The following DLG2 variants were observed in gnomAD, a reference collection of about 807,000 sequenced individuals.
DLG2 encodes discs large MAGUK scaffold protein 2.
In DLG2, 45 loss-of-function variants were observed where a neutral mutation model predicts 132.5. That is an observed-to-expected ratio of 0.34 (90% CI 0.27 to 0.44). The LOEUF (loss-of-function observed/expected upper bound fraction) is 0.44, where lower values mean the gene tolerates loss of function less well. Ranked by LOEUF, DLG2 falls within the 20% of genes least tolerant of loss-of-function variation. The pLI is 1.00. For synonymous variants in DLG2, 424 were observed against 419.6 expected (o/e 1.01, Z -0.13); for missense variants, 1,045 against 1,196.9 (o/e 0.87, Z 1.87).
intron 14 of DLG2, among the ~76,000 whole-genome samples, chr11:83,940,711 G>A (rs565324784): frequency 1.3e-5 from 2 of 152,298 alleles, no homozygotes; most frequent in East Asian, 1.9e-4. Context: ...ATAGGACAGA[G>A]GAAACAAACT....
intron 7 of DLG2, among the ~76,000 whole-genome samples, chr11:84,410,560 A>G (rs967768764): frequency 6.6e-6 from 1 of 151,398 alleles, no homozygotes; most frequent in African/African-American, 2.4e-5. Context: ...ATCATTTTTT[A>G]AAAACCACAT....
intron 18 of DLG2, among the ~76,000 whole-genome samples, chr11:83,716,294 G>C (rs2086687606): frequency 6.6e-6 from 1 of 152,166 alleles, no homozygotes; most frequent in South Asian, 2.1e-4. Flanking sequence ...CAAGCACAGA[G>C]ACTAGAGAAT....
At chr11:84,739,779 T>C (rs2064348856) in intron 6 of DLG2, among the ~76,000 whole-genome samples, 1 of 152,118 alleles carries the variant, frequency 6.6e-6, no homozygotes, top group Admixed American at 6.5e-5. Flanking sequence ...TAAAGCAGTA[T>C]CAAAACAATA....
intron 6 of DLG2, among the ~76,000 whole-genome samples, chr11:85,076,748 A>G (rs530524779): frequency 2.0e-5 from 3 of 152,132 alleles, no homozygotes; most frequent in East Asian, 3.9e-4. Context: ...AAACCACAGA[A>G]GCTCACAGAT....
At chr11:85,126,184 A>G (rs2075088591) in intron 5 of DLG2, among the ~76,000 whole-genome samples, 1 of 152,224 alleles carries the variant, frequency 6.6e-6, no homozygotes. Context: ...TAGGGAAGGT[A>G]ACACAGATTT....
intron 3 of DLG2, among the ~76,000 whole-genome samples, chr11:85,573,145 G>A (rs958894027): frequency 1.3e-5 from 2 of 152,142 alleles, no homozygotes; most frequent in African/African-American, 4.8e-5. Flanking sequence ...TCTGAAAGCT[G>A]AACTATGTAG....
chr11:84,210,510 C>A, intron 8 of DLG2, among the ~76,000 whole-genome samples: 1 of 127,660 alleles, frequency 7.8e-6, no homozygotes. Context: ...ACAATGTGCA[C>A]ATGTACCCTA....
rs1283559886 is a variant in DLG2 at position 85,593,119 on chromosome 11, G to C, written c.40+5538C>G. Among the ~76,000 whole-genome samples the C allele has an allele frequency of 2.6e-5, 4 of 152,216 alleles. No homozygotes were observed. The East Asian group carries it at 7.7e-4, about 29-fold the overall frequency. On this transcript the variant is annotated intron_variant, in intron 3 of 27. Transcript: ENST00000376104. ...AATTGGACACCATAATGATAATTGT[G>C]AGTTTATGGATTACAAAGTACTCAA...
intron 19 of DLG2, among the ~76,000 whole-genome samples, chr11:83,545,422 A>C (rs1377494628): frequency 6.6e-6 from 1 of 152,142 alleles, no homozygotes; most frequent in Non-Finnish European, 1.5e-5. Flanking sequence ...TCTGTGTGCC[A>C]ATTGTGCCAC....
intron 6 of DLG2, among the ~76,000 whole-genome samples, chr11:84,695,027 T>A (rs1463031723): frequency 2.0e-5 from 3 of 151,526 alleles, no homozygotes; most frequent in Admixed American, 2.0e-4. Flanking sequence ...TGCTTATGAA[T>A]GAATTTCCTT....
chr11:83,967,229 C>T (rs181200649), intron 12 of DLG2, among the ~76,000 whole-genome samples: 2 of 152,194 alleles, frequency 1.3e-5, no homozygotes, highest in Admixed American at 1.3e-4. Context: ...GTGGTGATTT[C>T]ATCTTCTCTG....
At chr11:85,042,702 A>T (rs2061983252) in intron 6 of DLG2, among the ~76,000 whole-genome samples, 2 of 151,830 alleles carry the variant, frequency 1.3e-5, no homozygotes, top group Non-Finnish European at 2.9e-5. Flanking sequence ...GATTGCCCAC[A>T]CTCTCATAAG....
chr11:83,490,156 G>A (rs2093756924), intron 21 of DLG2, among the ~76,000 whole-genome samples: 1 of 151,898 alleles, frequency 6.6e-6, no homozygotes, highest in Non-Finnish European at 1.5e-5. Flanking sequence ...TATAAGGTGA[G>A]TCTGAAACAT....
At chr11:85,175,937 T>A (rs1016931179) in intron 4 of DLG2, among the ~76,000 whole-genome samples, 4 of 152,042 alleles carry the variant, frequency 2.6e-5, no homozygotes, top group Non-Finnish European at 4.4e-5. Flanking sequence ...AGGAGAACTG[T>A]AAATCACTGC....
chr11:85,482,928 G>T (rs1367364458), intron 3 of DLG2, among the ~76,000 whole-genome samples: 1 of 152,034 alleles, frequency 6.6e-6, no homozygotes, highest in Admixed American at 6.6e-5. Flanking sequence ...GGAAATATTT[G>T]ATATATATCT....
chr11:83,942,429 TAA>T (rs1007654598), intron 14 of DLG2, among the ~76,000 whole-genome samples: 8 of 152,166 alleles, frequency 5.3e-5, no homozygotes, highest in African/African-American at 1.9e-4. Context: ...AGAATGAGAT[TAA>T]AAAGAGTCTA....
intron 11 of DLG2, among the ~76,000 whole-genome samples, chr11:84,021,406 A>G (rs1248091774): frequency 6.6e-6 from 1 of 152,150 alleles, no homozygotes; most frequent in African/African-American, 2.4e-5. Context: ...CCAAAAGTTC[A>G]TGTTTCAACC....
Position 84,321,971 on chromosome 11 carries a change from G to A in DLG2, c.520-70680C>T, listed in dbSNP as rs139586949. On this transcript the variant is annotated intron_variant, in intron 7 of 27. Coordinates refer to ENST00000376104, the MANE Select transcript of DLG2 (RefSeq NM_001142699.3). ...CTCTATTACAACACTTAACAAAATTGTATTTAAAACAAGAATTACACTATA... is the reference window on the plus strand; with the variant it reads ...CTCTATTACAACACTTAACAAAATTATATTTAAAACAAGAATTACACTATA... Among the ~76,000 whole-genome samples the A allele has an allele frequency of 9.2e-5, 14 of 152,176 alleles. No individual in the cohort carries two copies. In the East Asian group the frequency reaches 2.3e-3, roughly 25 times the overall value.
rs544390643 is a variant in DLG2, at chr11:85,593,990, T to A, written c.40+4667A>T. ...AGCACAATGTCCAACACATAACTGGTATTTTTAAAAGAAGTGTTGATAAAT... is the reference window on the plus strand; with the variant it reads ...AGCACAATGTCCAACACATAACTGGAATTTTTAAAAGAAGTGTTGATAAAT... On this transcript the variant is annotated intron_variant, in intron 3 of 27. Transcript: ENST00000376104. 5.9e-5 allele frequency among the ~76,000 whole-genome samples: 9 copies of A among 152,318 alleles called. No homozygotes were observed. In the South Asian group the frequency reaches 1.2e-3, roughly 21 times the overall value.
Sources: allele counts gnomAD v4.1 joint callset (sites outside exome capture counted in the v4.1 genomes callset), GRCh38; gene constraint gnomAD v4.1.1; transcripts MANE v1.5; gene names NCBI Gene and HGNC (gene_info 2026-07-23, HGNC 2026-07-21).